The following SLC36A2 variants were observed in gnomAD, a reference collection of about 807,000 sequenced individuals.
SLC36A2 encodes the protein solute carrier family 36 member 2, also known as proton-coupled amino acid transporter 2.
Under a neutral mutation model 42.7 loss-of-function variants are expected in SLC36A2, and 39 were observed. That is an observed-to-expected ratio of 0.91 (90% CI 0.71 to 1.19). The LOEUF (loss-of-function observed/expected upper bound fraction) is 1.19, where lower values mean the gene tolerates loss of function less well. Among genes scored for constraint, SLC36A2 ranks in the 50% most tolerant of loss-of-function variants. The pLI, the probability that SLC36A2 is intolerant of heterozygous loss-of-function variation, is 0.00. For synonymous variants in SLC36A2, 237 were observed against 240.8 expected, an observed-to-expected ratio of 0.98 and a Z score of 0.15; for missense variants, 590 against 613.7, an observed-to-expected ratio of 0.96 and a Z score of 0.41.
rs1382901394 is a variant in SLC36A2 at position 151,315,640 on chromosome 5, A to T, written c.*1177T>A. 1 of 152,230 alleles carries T rather than the reference A, an allele frequency of 6.6e-6. No homozygotes were observed. 9.4% of individuals were successfully genotyped at this position (152,230 alleles called of 1,614,324 possible). Reference sequence around the variant, plus strand: ...AGACTTCATCTCAAAAAAACAAAACACAAAACAAAACCGACAAACAAGCAA... The same window carrying T: ...AGACTTCATCTCAAAAAAACAAAACTCAAAACAAAACCGACAAACAAGCAA... On this transcript the variant is annotated 3_prime_UTR_variant, in exon 10 of 10. Transcript: ENST00000335244.
At chr5:151,335,280 T>TAA in intron 6 of SLC36A2, 49 bp downstream of exon 6, 1 of 1,468,546 alleles carries the variant, frequency 6.8e-7, no homozygotes, top group South Asian at 1.2e-5. Flanking sequence ...CTATCCTTGA[T>TAA]AAAAAAACCC....
At position 151,316,601 on chromosome 5, in the gene SLC36A2, G is replaced by A. The variant is rs899723807; in HGVS notation, c.*216C>T. The A allele has an allele frequency of 3.2e-5, 18 of 565,394 alleles. No homozygotes were observed. Among genetic ancestry groups the A allele is most frequent in the African/African-American group, 2.3e-4 (12 of 52,878 alleles). 35.0% of individuals were successfully genotyped at this position (565,394 alleles called of 1,614,324 possible). On this transcript the variant is annotated 3_prime_UTR_variant, in exon 10 of 10. Transcript: ENST00000335244. Reference sequence around the variant, plus strand: ...ACTAAAAATACAAAATTAGCCAGGCGTGCTGGACTATGCCTCTAATCCCAA... The same window carrying A: ...ACTAAAAATACAAAATTAGCCAGGCATGCTGGACTATGCCTCTAATCCCAA...
chr5:151,325,978 A>G (rs1755841145), intron 7 of SLC36A2, among the ~76,000 whole-genome samples: 3 of 152,174 alleles, frequency 2.0e-5, no homozygotes, highest in South Asian at 4.2e-4. Context: ...CTTAATATGT[A>G]TGTATACTTG....
rs562236245 is a variant in SLC36A2 at position 151,316,654 on chromosome 5, C to T, written c.*163G>A. The T allele has an allele frequency of 7.8e-5, 64 of 815,552 alleles. No individual in the cohort carries two copies. In the East Asian group the frequency reaches 8.6e-4, roughly 11 times the overall value. The allele number at this position is 815,552 out of a possible 1,614,324, so 50.5% of individuals were successfully genotyped here. A position where few individuals can be genotyped will look rare whatever the true frequency, so the allele number is the denominator to read the frequency against. On this transcript the variant is annotated 3_prime_UTR_variant, in exon 10 of 10. Transcript: ENST00000335244. ...ACTCGGGAGGCTGAGGCAGGAGAAT[C>T]GCTTGAACCCAGGAGGCCGAAGTTG...
chr5:151,332,894 T>A (rs570900544), intron 7 of SLC36A2, among the ~76,000 whole-genome samples: 114 of 152,362 alleles, frequency 7.5e-4, no homozygotes, highest in African/African-American at 2.6e-3. Context: ...TAAAACTCCT[T>A]TATGTTTAAT....
intron 7 of SLC36A2, among the ~76,000 whole-genome samples, chr5:151,330,446 C>T (rs538697528): frequency 2.6e-5 from 4 of 152,036 alleles, no homozygotes; most frequent in African/African-American, 9.7e-5. Context: ...CCATATTGTG[C>T]AAAAATATCC....
intron 1 of SLC36A2, among the ~76,000 whole-genome samples, chr5:151,345,495 T>G (rs939381493): frequency 6.6e-6 from 1 of 152,120 alleles, no homozygotes; most frequent in Non-Finnish European, 1.5e-5. Context: ...CTGTAAACCC[T>G]CTAGCTTCCT....
At chr5:151,343,380 G>T in intron 3 of SLC36A2, 130 bp downstream of exon 3, 2 of 944,590 alleles carry the variant, frequency 2.1e-6, no homozygotes, top group Non-Finnish European at 3.5e-6. Context: ...GCCCCTGAAT[G>T]CTCTTCACTC....
At chr5:151,347,253 C>T in intron 1 of SLC36A2, 44 bp downstream of exon 1, 1 of 1,612,718 alleles carries the variant, frequency 6.2e-7, no homozygotes, top group South Asian at 1.1e-5. Context: ...ATGCAAGCTT[C>T]AGGCTAGAAA....
At chr5:151,340,642 G>A (rs1412122983) in intron 4 of SLC36A2, among the ~76,000 whole-genome samples, 5 of 152,138 alleles carry the variant, frequency 3.3e-5, no homozygotes, top group African/African-American at 1.2e-4. Context: ...AGTGAGGAGA[G>A]AATGTTGAAA....
In SLC36A2 at chr5:151,322,076, A is replaced by T. The variant is rs146886732; in HGVS notation, c.1150T>A (p.Ser384Thr). ...STRWALPLDL[S>T]IRLVMVCLTC... ...AGGCAGACCATGACGAGGCGAATGG[A>T]CAGATCCAGAGGCAGTGCCCAGCGT... Residue 384 changes from serine to threonine, a missense_variant, in exon 9 of 10, where the codon TCC (serine) becomes ACC (threonine). Ser to Thr is a moderately conservative substitution (Grantham distance 58, BLOSUM62 1). Coordinates refer to ENST00000335244, the MANE Select transcript of SLC36A2 (RefSeq NM_181776.3). 1.4e-5 allele frequency: 22 copies of T among 1,614,052 alleles called. No homozygotes were observed. The highest frequency in any genetic ancestry group is 3.3e-5 in the Admixed American group (2 of 60,008).
Position 151,316,901 on chromosome 5 carries a change from C to A in SLC36A2, c.1368G>T (p.Val456=). 1 of 1,614,064 alleles carries A rather than the reference C, an allele frequency of 6.2e-7. No homozygotes were observed. The highest frequency in any genetic ancestry group is 2.2e-5 in the East Asian group (1 of 44,878). ...CGTCCAGGGCCTGGTAGGTCCCCAC[C>A]ACAAAGCCCACGAAGCCCAGGATGC... ...LISILGFVGF[V]VGTYQALDEL... The change falls in exon 10 of 10, where the codon GTG becomes GTT. Residue 456 remains valine (V), a synonymous_variant. Coordinates refer to ENST00000335244, the MANE Select transcript of SLC36A2 (RefSeq NM_181776.3).
At chr5:151,337,843 C>G (rs1756203368) in intron 5 of SLC36A2, among the ~76,000 whole-genome samples, 1 of 152,142 alleles carries the variant, frequency 6.6e-6, no homozygotes, top group African/African-American at 2.4e-5. Flanking sequence ...AAGGATATTG[C>G]AAAATACTGA....
chr5:151,326,595 G>C (rs1755857067), intron 7 of SLC36A2, among the ~76,000 whole-genome samples: 2 of 152,138 alleles, frequency 1.3e-5, no homozygotes, highest in African/African-American at 4.8e-5. Flanking sequence ...GTTGAGGCCA[G>C]TCTGCCTCTT....
intron 1 of SLC36A2, among the ~76,000 whole-genome samples, chr5:151,346,249 A>G (rs1756494600): frequency 1.3e-5 from 2 of 152,194 alleles, no homozygotes; most frequent in Non-Finnish European, 2.9e-5. Context: ...GCACACTCTC[A>G]GGGTCACTAA....
At chr5:151,328,410 C>A (rs773663863) in intron 7 of SLC36A2, among the ~76,000 whole-genome samples, 1 of 152,096 alleles carries the variant, frequency 6.6e-6, no homozygotes, top group Non-Finnish European at 1.5e-5. Flanking sequence ...CAAGGGACAC[C>A]CAAATCTTAG....
intron 4 of SLC36A2, among the ~76,000 whole-genome samples, chr5:151,341,799 C>G (rs1756353129): frequency 6.6e-6 from 1 of 152,132 alleles, no homozygotes; most frequent in South Asian, 2.1e-4. Flanking sequence ...CCATATATCC[C>G]CACTAGACAT....
At chr5:151,325,486 A>G in intron 7 of SLC36A2, 34 bp from the exon 8 acceptor site, 1 of 1,611,352 alleles carries the variant, frequency 6.2e-7, no homozygotes, top group Non-Finnish European at 8.5e-7. Context: ...AAGGAGAAAG[A>G]GTAACATGAA....
intron 4 of SLC36A2, 42 bp downstream of exon 4, chr5:151,342,846 C>T (rs1756384934): frequency 2.6e-6 from 4 of 1,543,330 alleles, no homozygotes; most frequent in African/African-American, 2.7e-5. Context: ...ATTTTCTCCT[C>T]CTGTGTCCTA....
Sources: allele counts gnomAD v4.1 joint callset (sites outside exome capture counted in the v4.1 genomes callset), GRCh38; gene constraint gnomAD v4.1.1; transcripts MANE v1.5; gene names NCBI Gene and HGNC (gene_info 2026-07-23, HGNC 2026-07-21).